The following CMTM4 variants were observed in gnomAD, a reference collection of about 807,000 sequenced individuals.
CMTM4 encodes CKLF like MARVEL transmembrane domain containing 4, also known as CKLF-like MARVEL transmembrane domain-containing protein 4.
A neutral mutation model predicts 19.0 loss-of-function variants in CMTM4; 8 were observed. That is an observed-to-expected ratio of 0.42 (90% CI 0.25 to 0.76). CMTM4 has a LOEUF of 0.76. CMTM4 is among the 30% of genes least tolerant of loss of function. The pLI, the probability that CMTM4 is intolerant of heterozygous loss-of-function variation, is 0.27. For missense variants in CMTM4, 228 were observed against 290.2 expected (o/e 0.79, Z 1.56); for synonymous variants, 106 against 121.1 (o/e 0.88, Z 0.82).
chr16:66,631,145 C>CTACCCCGTCCGGGAGGGAGGTGGGGGT (rs1567407313), intron 2 of CMTM4, among the ~76,000 whole-genome samples: 35 of 152,028 alleles, frequency 2.3e-4, no homozygotes, highest in African/African-American at 7.7e-4. Flanking sequence ...TGCCCGGCAG[C>CTACCCCGTCCGGGAGGGAGGTGGGGGT]CACCCCGTCC....
chr16:66,630,526 G>C (rs2144797787), intron 2 of CMTM4, among the ~76,000 whole-genome samples: 2 of 152,060 alleles, frequency 1.3e-5, no homozygotes, highest in South Asian at 4.2e-4. Flanking sequence ...TTTTGGTGGA[G>C]ACGGGGTTTT....
chr16:66,626,775 A>C (rs1419509177), intron 2 of CMTM4, among the ~76,000 whole-genome samples: 1 of 150,446 alleles, frequency 6.6e-6, no homozygotes, highest in Non-Finnish European at 1.5e-5. Flanking sequence ...GTCTCAAAGA[A>C]AAAAAAAAAG....
chr16:66,663,044 G>A (rs2016526161), intron 1 of CMTM4, among the ~76,000 whole-genome samples: 1 of 152,110 alleles, frequency 6.6e-6, no homozygotes, highest in Admixed American at 6.6e-5. Flanking sequence ...CATCACAAAG[G>A]CTTTGAAACA....
At chr16:66,673,577 T>C (rs754007719) in intron 1 of CMTM4, among the ~76,000 whole-genome samples, 1 of 152,170 alleles carries the variant, frequency 6.6e-6, no homozygotes, top group Non-Finnish European at 1.5e-5. Context: ...TACTGTACTT[T>C]TGTGCAGCTA....
chr16:66,696,059 C>T lies in CMTM4; in HGVS notation c.186+281G>A, dbSNP rs771920905. The stretch of plus-strand genomic sequence containing the variant: ...CCCAGCCCAGTAACGCCACAGACTC[C>T]CGGGAGCGAGGGCGGAGCGGACAGG... On this transcript the variant is annotated intron_variant, in intron 1 of 3. Coordinates refer to ENST00000394106, the MANE Select transcript of CMTM4 (RefSeq NM_181521.3). The surrounding 1 kb of genome is among the most constrained non-coding windows in gnomAD (Gnocchi z 4.3). Among the ~76,000 whole-genome samples, 1 of 152,174 alleles carries T rather than the reference C, an allele frequency of 6.6e-6. No individual in the cohort carries two copies. Among genetic ancestry groups the T allele is most frequent in the Non-Finnish European group, 1.5e-5 (1 of 68,020 alleles).
chr16:66,664,751 A>G (rs1000731777), intron 1 of CMTM4, among the ~76,000 whole-genome samples: 7 of 152,180 alleles, frequency 4.6e-5, no homozygotes, highest in East Asian at 1.9e-4. Context: ...AAAAGAGGAA[A>G]GGGAAAACAG....
intron 1 of CMTM4, among the ~76,000 whole-genome samples, chr16:66,684,591 A>T (rs1015532170): frequency 6.6e-6 from 1 of 152,186 alleles, no homozygotes; most frequent in African/African-American, 2.4e-5. Flanking sequence ...CACGAGAGGC[A>T]CTGCAATGAA....
Position 66,621,439 on chromosome 16 carries a change from A to C in CMTM4, c.*619T>G. On this transcript the variant is annotated 3_prime_UTR_variant, in exon 4 of 4. Coordinates refer to ENST00000394106, the MANE Select transcript of CMTM4 (RefSeq NM_181521.3). ...AGGAAGGTGATTCATTTGAGGAAGA[A>C]TCAAGTGATTTCTCAGCAGAGTAGG... 1 of 985,932 alleles carries C rather than the reference A, an allele frequency of 1.0e-6. No individual in the cohort carries two copies. Among genetic ancestry groups the C allele is most frequent in the South Asian group, 4.7e-5 (1 of 21,290 alleles). The allele number at this position is 985,932 out of a possible 1,614,324, so 61.1% of individuals were successfully genotyped here.
intron 1 of CMTM4, among the ~76,000 whole-genome samples, chr16:66,682,694 C>G (rs995604274): frequency 2.6e-5 from 4 of 152,068 alleles, no homozygotes; most frequent in African/African-American, 9.7e-5. Context: ...CCTTTGCAGG[C>G]CTCATGGAAC....
In CMTM4 at chr16:66,614,923, A is replaced by G. The variant is rs1179762654; in HGVS notation, c.*7135T>C. The stretch of plus-strand genomic sequence containing the variant: ...AACTGGTCCTTCAAATGAAAGGGGG[A>G]AAATTGAGGGCAATGTGAGGCTTTG... On this transcript the variant is annotated 3_prime_UTR_variant, in exon 4 of 4. Coordinates refer to ENST00000394106, the MANE Select transcript of CMTM4 (RefSeq NM_181521.3). This position sits in a 1 kb window ranked among gnomAD's most constrained non-coding sequence, Gnocchi z 4.9. 2.0e-5 allele frequency: 3 copies of G among 152,250 alleles called. No individual in the cohort carries two copies. Among genetic ancestry groups the G allele is most frequent in the African/African-American group, 7.2e-5 (3 of 41,464 alleles). The allele number at this position is 152,250 out of a possible 1,614,324, so 9.4% of individuals were successfully genotyped here.
At chr16:66,600,950 G>A in the CMTM4 span, among the ~76,000 whole-genome samples, 1 of 152,336 alleles carries the variant, frequency 6.6e-6, no homozygotes, top group South Asian at 2.1e-4. Context: ...CAATGGCTCT[G>A]TGGCAGGAGG....
At position 66,696,653 on chromosome 16, in the gene CMTM4, CCCGCCG is replaced by C; in HGVS notation, c.-134_-129del. 5.1e-6 allele frequency: 2 copies of C among 392,570 alleles called. No individual in the cohort carries two copies. Among genetic ancestry groups the C allele is most frequent in the South Asian group, 9.5e-5 (1 of 10,518 alleles). 24.3% of individuals were successfully genotyped at this position (392,570 alleles called of 1,614,324 possible). A position where few individuals can be genotyped will look rare whatever the true frequency, so the allele number is the denominator to read the frequency against. ...CGCCCGACTGACTGCCCGCGGCCCG[CCCGCCG>C]CCGCCGCCTCTCGCCCGCCGCCCGG... On this transcript the variant is annotated 5_prime_UTR_variant, in exon 1 of 4. Transcript: ENST00000394106. This position sits in a 1 kb window ranked among gnomAD's most constrained non-coding sequence, Gnocchi z 4.3.
intron 2 of CMTM4, among the ~76,000 whole-genome samples, chr16:66,629,614 T>C (rs148141996): frequency 6.6e-6 from 1 of 152,352 alleles, no homozygotes; most frequent in African/African-American, 2.4e-5. Flanking sequence ...CCCGAGTTTA[T>C]GCTAACGAAG....
In CMTM4 at chr16:66,618,638, C is replaced by T. The variant is rs1481739463; in HGVS notation, c.*3420G>A. 2 of 985,406 alleles carry T rather than the reference C, an allele frequency of 2.0e-6. No individual in the cohort carries two copies. The highest frequency in any genetic ancestry group is 2.3e-4 in the East Asian group (2 of 8,830). The allele number at this position is 985,406 out of a possible 1,614,324, so 61.0% of individuals were successfully genotyped here. ...TTCACTGCAAGCAAGAATTCACGTA[C>T]ATGAGTGCACAAAGGTGTTGGAGCT... On this transcript the variant is annotated 3_prime_UTR_variant, in exon 4 of 4. Transcript: ENST00000394106.
chr16:66,625,902 G>C (rs1020174848), intron 2 of CMTM4, among the ~76,000 whole-genome samples: 4 of 152,220 alleles, frequency 2.6e-5, no homozygotes, highest in African/African-American at 4.8e-5. Flanking sequence ...CAATTCGAGT[G>C]CTCAGTGGCC....
chr16:66,694,922 G>C (rs2017203932), intron 1 of CMTM4, among the ~76,000 whole-genome samples: 2 of 152,112 alleles, frequency 1.3e-5, no homozygotes. Flanking sequence ...GCAGTCAGCA[G>C]AACAAGCCTT....
intron 1 of CMTM4, 26 bp from the exon 2 acceptor site, chr16:66,636,607 T>C: frequency 2.6e-6 from 4 of 1,568,284 alleles, no homozygotes; most frequent in Non-Finnish European, 1.8e-6. Flanking sequence ...GAAACATATA[T>C]GTACGTATAT....
intron 1 of CMTM4, among the ~76,000 whole-genome samples, chr16:66,683,170 T>TAC (rs1391745774): frequency 4.8e-5 from 4 of 83,938 alleles, no homozygotes; most frequent in Admixed American, 1.7e-4. Flanking sequence ...CGTATATATA[T>TAC]ATATACATAT....
intron 1 of CMTM4, among the ~76,000 whole-genome samples, chr16:66,650,153 C>T (rs1167993841): frequency 6.6e-6 from 1 of 152,122 alleles, no homozygotes; most frequent in Non-Finnish European, 1.5e-5. Flanking sequence ...AGAGGAAAAA[C>T]GGGAGAGAAC....
Sources: gnomAD v4.1 joint callset for allele counts (sites outside exome capture counted in the v4.1 genomes callset) on GRCh38, gnomAD v4.1.1 for gene constraint, Gnocchi (gnomAD v3.1) non-coding constraint, MANE v1.5 for transcripts, NCBI Gene and HGNC (gene_info 2026-07-23, HGNC 2026-07-21) for gene names.